The following UGGT1 variants were observed in gnomAD, a reference collection of about 807,000 sequenced individuals.
The protein encoded by UGGT1 is UDP-glucose:glycoprotein glucosyltransferase 1.
In UGGT1, 107 loss-of-function variants were observed where a neutral mutation model predicts 203.9. That is an observed-to-expected ratio of 0.52 (90% CI 0.45 to 0.62). UGGT1 has a LOEUF of 0.62. Among genes scored for constraint, UGGT1 ranks in the 20% least tolerant of loss-of-function variants. The pLI is 0.00. For synonymous variants in UGGT1, 628 were observed against 653.5 expected (o/e 0.96, Z 0.59); for missense variants, 1,673 against 1,867.2 (o/e 0.90, Z 1.92).
chr2:128,130,061 G>T (rs1373479238), intron 13 of UGGT1, among the ~76,000 whole-genome samples: 1 of 151,978 alleles, frequency 6.6e-6, no homozygotes, highest in African/African-American at 2.4e-5. Context: ...AGGAGATTGA[G>T]ACCAGCCTGG....
chr2:128,156,475 T>C, intron 21 of UGGT1, 60 bp downstream of exon 21: 1 of 1,357,170 alleles, frequency 7.4e-7, no homozygotes, highest in Admixed American at 1.8e-5. Flanking sequence ...TCAGTGACCA[T>C]TGTAATTTAG....
At chr2:128,117,854 C>T (rs982316878) in intron 8 of UGGT1, among the ~76,000 whole-genome samples, 1 of 151,642 alleles carries the variant, frequency 6.6e-6, no homozygotes, top group East Asian at 1.9e-4. Context: ...TGGCCTGGAA[C>T]GTCTTCTTAG....
At chr2:128,114,209 C>A (rs1687994245) in intron 6 of UGGT1, among the ~76,000 whole-genome samples, 1 of 152,280 alleles carries the variant, frequency 6.6e-6, no homozygotes, top group African/African-American at 2.4e-5. Flanking sequence ...CCTCCGCCTC[C>A]TGAGTTCAAG....
In UGGT1 at chr2:128,159,592, A is replaced by G; in HGVS notation, c.2434A>G (p.Arg812Gly). ...EISYENTQIS[R>G]AIWAALQTQT... ...AAGCTATGAGAACACTCAGATCTCCAGAGCAATCTGGGCAGCTCTCCAAAC... is the reference window on the plus strand; with the variant it reads ...AAGCTATGAGAACACTCAGATCTCCGGAGCAATCTGGGCAGCTCTCCAAAC... Residue 812 changes from arginine to glycine, a missense_variant, in exon 23 of 41, where the codon AGA becomes GGA. Around this residue, in one of 4 missense-constraint regions of UGGT1, gnomAD observed 1,073 missense variants for 1,078.7 expected, o/e 0.99. Transcript: ENST00000259253. 6.2e-7 allele frequency: 1 copy of G among 1,614,242 alleles called. No individual in the cohort carries two copies. Among genetic ancestry groups the G allele is most frequent in the Non-Finnish European group, 8.5e-7 (1 of 1,180,040 alleles).
rs988784393 is a variant in UGGT1, at chr2:128,183,880, C to A, written c.4359+91C>A. ...GTATTACTTGTGTCTTCAGTCCTCTCCTCACAGGATGGCGTCTTGTTTTTT... is the reference window on the plus strand; with the variant it reads ...GTATTACTTGTGTCTTCAGTCCTCTACTCACAGGATGGCGTCTTGTTTTTT... On this transcript the variant is annotated intron_variant, in intron 38 of 40. Coordinates refer to ENST00000259253, the MANE Select transcript of UGGT1 (RefSeq NM_020120.4). 2.2e-5 allele frequency: 20 copies of A among 912,232 alleles called. No homozygotes were observed. In the Admixed American group the frequency reaches 3.6e-4, roughly 16 times the overall value. 56.5% of individuals were successfully genotyped at this position (912,232 alleles called of 1,614,324 possible). A position where few individuals can be genotyped will look rare whatever the true frequency, so the allele number is the denominator to read the frequency against.
At chr2:128,091,458 G>T (rs1240434556) in intron 1 of UGGT1, 43 bp downstream of exon 1, 1 of 1,557,444 alleles carries the variant, frequency 6.4e-7, no homozygotes, top group East Asian at 2.4e-5. Context: ...ACAAAGAGAG[G>T]GTTTGGGGCA....
rs547359924 is a variant in UGGT1, at chr2:128,109,529, A to G, written c.409-105A>G. 2.9e-4 allele frequency: 272 copies of G among 951,256 alleles called. 1 individual carries two copies. The African/African-American group carries it at 4.1e-3, about 14-fold the overall frequency. 58.9% of individuals were successfully genotyped at this position (951,256 alleles called of 1,614,324 possible). ...GAGCTACCACACTCAGCCAGTTTCAACAATGTTGTTTTGTCATAATTTAAT... is the reference window on the plus strand; with the variant it reads ...GAGCTACCACACTCAGCCAGTTTCAGCAATGTTGTTTTGTCATAATTTAAT... On this transcript the variant is annotated intron_variant, in intron 4 of 40. Transcript: ENST00000259253.
intron 8 of UGGT1, among the ~76,000 whole-genome samples, chr2:128,116,590 T>C (rs762784896): frequency 2.5e-4 from 38 of 152,144 alleles, no homozygotes; most frequent in Non-Finnish European, 4.6e-4. Flanking sequence ...AGTGGCGTGA[T>C]CTCGACTCAC....
In UGGT1 at chr2:128,103,164, C is replaced by A. The variant is rs1347285164; in HGVS notation, c.195-768C>A. 5 of 467,994 alleles carry A rather than the reference C, an allele frequency of 1.1e-5. No individual in the cohort carries two copies. The Admixed American group carries it at 1.2e-4, about 11-fold the overall frequency. The allele number at this position is 467,994 out of a possible 1,614,324, so 29.0% of individuals were successfully genotyped here. ...TGGCTAGGTAAGCTGAGATCCAGATCTGTAGTTTGCTTTAAGACAGTGAAA... is the reference window on the plus strand; with the variant it reads ...TGGCTAGGTAAGCTGAGATCCAGATATGTAGTTTGCTTTAAGACAGTGAAA... On this transcript the variant is annotated intron_variant, in intron 2 of 40. Transcript: ENST00000259253.
At chr2:128,107,880 C>T in intron 3 of UGGT1, 58 bp from the exon 4 acceptor site, 2 of 1,606,386 alleles carry the variant, frequency 1.2e-6, no homozygotes, top group Non-Finnish European at 8.5e-7. Context: ...CATGAACTAT[C>T]TTCTTTAGAT....
chr2:128,134,846 T>G (rs1236574117), intron 14 of UGGT1, 30 bp from the exon 15 acceptor site: 4 of 1,593,954 alleles, frequency 2.5e-6, no homozygotes, highest in Non-Finnish European at 2.6e-6. Context: ...TAAATGTCAT[T>G]TCATGTGTTC....
At chr2:128,186,530 C>T (rs1691989430) in intron 38 of UGGT1, among the ~76,000 whole-genome samples, 153 bp from the exon 39 acceptor site, 1 of 152,178 alleles carries the variant, frequency 6.6e-6, no homozygotes, top group Non-Finnish European at 1.5e-5. Flanking sequence ...TCTCTTGAAC[C>T]TGGGAGGTGG....
At chr2:128,176,110 C>T (rs186779846) in intron 31 of UGGT1, among the ~76,000 whole-genome samples, 1 of 152,210 alleles carries the variant, frequency 6.6e-6, no homozygotes, top group East Asian at 1.9e-4. Context: ...AACACTATTC[C>T]AGTTAAAGAG....
intron 15 of UGGT1, among the ~76,000 whole-genome samples, chr2:128,136,068 C>T (rs1689118169): frequency 6.6e-6 from 1 of 152,114 alleles, no homozygotes; most frequent in African/African-American, 2.4e-5. Context: ...ATGTGGTCTT[C>T]TGATTGCAAA....
At chr2:128,098,395 T>C (rs1025724510) in intron 2 of UGGT1, among the ~76,000 whole-genome samples, 10 of 152,210 alleles carry the variant, frequency 6.6e-5, no homozygotes, top group South Asian at 4.1e-4. Context: ...TAGCTGAGCG[T>C]GCTGGCATGT....
chr2:128,124,865 C>T (rs957253360), intron 11 of UGGT1, among the ~76,000 whole-genome samples: 25 of 151,954 alleles, frequency 1.6e-4, no homozygotes, highest in African/African-American at 9.7e-5. Flanking sequence ...TCTTAAGCTG[C>T]GTTTTTGGGT....
chr2:128,177,984 C>A lies in UGGT1; in HGVS notation c.3713+64C>A, dbSNP rs184164091. The A allele has an allele frequency of 1.3e-5, 17 of 1,356,996 alleles. No homozygotes were observed. The East Asian group carries it at 4.2e-4, about 34-fold the overall frequency. The allele number at this position is 1,356,996 out of a possible 1,614,324, so 84.1% of individuals were successfully genotyped here. On this transcript the variant is annotated intron_variant, in intron 33 of 40. Coordinates refer to ENST00000259253, the MANE Select transcript of UGGT1 (RefSeq NM_020120.4). ...ACTGAGATATAAGCACCATCCATCC[C>A]TCCTTTTTGCATCTTGTGATTCTGT...
At chr2:128,100,499 C>G (rs913614663) in intron 2 of UGGT1, among the ~76,000 whole-genome samples, 1 of 151,978 alleles carries the variant, frequency 6.6e-6, no homozygotes, top group Non-Finnish European at 1.5e-5. Context: ...CTCTGCCTCC[C>G]AGGTTCAAGC....
At chr2:128,184,521 TCCTC>T (rs1186699269) in intron 38 of UGGT1, among the ~76,000 whole-genome samples, 1 of 152,154 alleles carries the variant, frequency 6.6e-6, no homozygotes, top group Non-Finnish European at 1.5e-5. Context: ...AAGCCATCCT[TCCTC>T]CCTAACAAAA....
Sources: gnomAD v4.1 joint callset for allele counts (sites outside exome capture counted in the v4.1 genomes callset) on GRCh38, gnomAD v4.1.1 for gene constraint, gnomAD v4.1.1 regional missense constraint, MANE v1.5 for transcripts, NCBI Gene and HGNC (gene_info 2026-07-23, HGNC 2026-07-21) for gene names.